LIPA: variants seen among roughly 807,000 people sequenced by gnomAD.
LIPA encodes the protein lysosomal acid lipase/cholesteryl ester hydrolase.
In LIPA, 26 loss-of-function variants were observed where a neutral mutation model predicts 40.6. The ratio of observed to expected loss-of-function variants is 0.64; its 90% CI spans 0.47 to 0.89. The LOEUF is 0.89. Among genes scored for constraint, LIPA ranks in the 40% least tolerant of loss-of-function variants. The pLI is 0.00. For synonymous variants in LIPA, 188 were observed against 168.4 expected, an observed-to-expected ratio of 1.12 and a Z score of -0.90; for missense variants, 455 against 479.6, an observed-to-expected ratio of 0.95 and a Z score of 0.48.
chr10:89,329,859 G>A lies in LIPA; in HGVS notation c.-2+12752C>T, dbSNP rs888001083. On this transcript the variant is annotated intron_variant, in intron 1 of 5. Transcript: ENST00000282673. Reference sequence around the variant, plus strand: ...ACCTGGGTGCAGGTGGGCTGAGTCCGAAAAGAAAGTCAGGGAAGGGAGATA... The same window carrying A: ...ACCTGGGTGCAGGTGGGCTGAGTCCAAAAAGAAAGTCAGGGAAGGGAGATA... Among the ~76,000 whole-genome samples, 12 of 152,074 alleles carry A rather than the reference G, an allele frequency of 7.9e-5. No homozygotes were observed. In the South Asian group the frequency reaches 8.3e-4, roughly 11 times the overall value.
At chr10:89,359,852 C>T (rs77875170) in intron 2 of LIPA, among the ~76,000 whole-genome samples, 2,656 of 149,106 alleles carry the variant, frequency 0.018, 36 homozygotes, top group African/African-American at 0.043. Context: ...CAAACACACA[C>T]ACACACAATG....
chr10:89,234,486 G>A lies in LIPA; in HGVS notation c.230-6088C>T, dbSNP rs369751065. The stretch of plus-strand genomic sequence containing the variant: ...GATCCTCAGCAAAGAAAATAGTATC[G>A]AATCCTCGGGTGAAAAACCTTTAAA... On this transcript the variant is annotated intron_variant, in intron 3 of 9. Coordinates refer to ENST00000336233, the MANE Select transcript of LIPA (RefSeq NM_000235.4). Among the ~76,000 whole-genome samples, 28 of 152,284 alleles carry A rather than the reference G, an allele frequency of 1.8e-4. No homozygotes were observed. The East Asian group carries it at 3.5e-3, about 19-fold the overall frequency.
chr10:89,292,079 C>G (rs1019195472), intron 1 of LIPA: 1 of 152,186 alleles, frequency 6.6e-6, no homozygotes, highest in Non-Finnish European at 1.5e-5. Context: ...GGAACACCAG[C>G]CTTGGACAGT....
At chr10:89,386,857 T>C (rs114019119) in intron 2 of LIPA, among the ~76,000 whole-genome samples, 96 of 152,288 alleles carry the variant, frequency 6.3e-4, no homozygotes, top group African/African-American at 2.2e-3. Flanking sequence ...TTAATTAATA[T>C]TGAAACCTTC....
At chr10:89,237,105 T>G (rs1319072391) in intron 3 of LIPA, among the ~76,000 whole-genome samples, 1 of 152,072 alleles carries the variant, frequency 6.6e-6, no homozygotes, top group Non-Finnish European at 1.5e-5. Context: ...GAGATCCCCA[T>G]CTCTATCAAA....
At position 89,266,381 on chromosome 10, in the gene LIPA, C is replaced by G. The variant is rs574706749; in HGVS notation, c.-1-18732G>C. Among the ~76,000 whole-genome samples the G allele has an allele frequency of 2.0e-3, 306 of 152,294 alleles. 2 individuals are homozygous for G. The highest frequency in any genetic ancestry group is 3.3e-3 in the Non-Finnish European group (226 of 68,024). Reference sequence around the variant, plus strand: ...GTGATGCCAAACAACCACAGACTATCCACATGTGTGGCTGAGATAGTGACA... The same window carrying G: ...GTGATGCCAAACAACCACAGACTATGCACATGTGTGGCTGAGATAGTGACA... On this transcript the variant is annotated intron_variant, in intron 1 of 5. Coordinates refer to the LIPA transcript ENST00000282673.
intron 1 of LIPA, among the ~76,000 whole-genome samples, chr10:89,331,738 A>T (rs1843653524): frequency 6.6e-6 from 1 of 151,524 alleles, no homozygotes; most frequent in Non-Finnish European, 1.5e-5. Flanking sequence ...ACGTGCCTAT[A>T]GTCTCATTGA....
chr10:89,278,787 C>T (rs368703254), intron 1 of LIPA, among the ~76,000 whole-genome samples: 2 of 151,416 alleles, frequency 1.3e-5, no homozygotes, highest in South Asian at 4.1e-4. Flanking sequence ...ATATTACTTA[C>T]ATATGTGTTA....
chr10:89,260,883 C>T (rs966103233), intron 1 of LIPA, among the ~76,000 whole-genome samples: 3 of 152,186 alleles, frequency 2.0e-5, no homozygotes, highest in African/African-American at 7.2e-5. Flanking sequence ...CCAGGACGCT[C>T]CAGGCTTTGA....
chr10:89,261,379 C>T (rs1422695614), intron 1 of LIPA, among the ~76,000 whole-genome samples: 2 of 152,172 alleles, frequency 1.3e-5, no homozygotes, highest in African/African-American at 4.8e-5. Flanking sequence ...ATGGCGGACG[C>T]CTGTAATCCC....
chr10:89,319,248 TTCAAAAAAA>T (rs1483769562), intron 1 of LIPA, among the ~76,000 whole-genome samples: 1 of 152,060 alleles, frequency 6.6e-6, no homozygotes, highest in Non-Finnish European at 1.5e-5. Flanking sequence ...CAAAAAACCC[TTCAAAAAAA>T]TCAATGAATC....
intron 2 of LIPA, among the ~76,000 whole-genome samples, chr10:89,400,163 A>G (rs2133625394): frequency 6.6e-6 from 1 of 152,194 alleles, no homozygotes; most frequent in East Asian, 1.9e-4. Context: ...TTGTTGTAAT[A>G]TTGTGATTAC....
At position 89,288,400 on chromosome 10, in the gene LIPA, C is replaced by T. The variant is rs569002428; in HGVS notation, c.-1-40751G>A. Among the ~76,000 whole-genome samples the T allele has an allele frequency of 6.6e-5, 10 of 152,262 alleles. No homozygotes were observed. The South Asian group carries it at 2.1e-3, about 32-fold the overall frequency. ...TTAAAAACAGCCCTAGAAGCTGCCC[C>T]CATGCTAGCTCTCCCTAACTCATCC... is the stretch of plus-strand genomic sequence containing the variant. On this transcript the variant is annotated intron_variant, in intron 1 of 5. Coordinates refer to the LIPA transcript ENST00000282673.
At position 89,292,332 on chromosome 10, in the gene LIPA, G is replaced by A. The variant is rs189024760; in HGVS notation, c.-1-44683C>T. On this transcript the variant is annotated intron_variant, in intron 1 of 5. Coordinates refer to the LIPA transcript ENST00000282673. ...CAGAGGCACTGATTTGTCTTCTTCT[G>A]GAGTAGCATCCCAGTTTCTCACTGT... 3.9e-5 allele frequency: 6 copies of A among 152,268 alleles called. No homozygotes were observed. In the East Asian group the frequency reaches 1.2e-3, roughly 29 times the overall value. 9.4% of individuals were successfully genotyped at this position (152,268 alleles called of 1,614,324 possible).
At chr10:89,288,545 C>T (rs540107731) in intron 1 of LIPA, among the ~76,000 whole-genome samples, 1 of 152,288 alleles carries the variant, frequency 6.6e-6, no homozygotes, top group African/African-American at 2.4e-5. Flanking sequence ...TTGTTTTAGG[C>T]TGGCCCCCAC....
At chr10:89,344,917 G>GTA (rs1843905565), upstream of LIPA, among the ~76,000 whole-genome samples, 1 of 152,120 alleles carries the variant, frequency 6.6e-6, no homozygotes, top group Non-Finnish European at 1.5e-5. Flanking sequence ...AATGTATTTA[G>GTA]TACACTTTGG....
chr10:89,311,111 C>T (rs966023644), intron 1 of LIPA, among the ~76,000 whole-genome samples: 2 of 152,170 alleles, frequency 1.3e-5, no homozygotes, highest in South Asian at 2.1e-4. Context: ...TTATGTTCTG[C>T]TTTTGATTCA....
At chr10:89,337,286 T>A (rs1245306129) in intron 1 of LIPA, among the ~76,000 whole-genome samples, 1 of 152,204 alleles carries the variant, frequency 6.6e-6, no homozygotes, top group East Asian at 1.9e-4. Context: ...ATCCATAATA[T>A]CTAATAAAGT....
rs1450108417 is a variant in LIPA, at chr10:89,361,864, C to T, written c.61+50927G>A. Among the ~76,000 whole-genome samples, 9 of 149,044 alleles carry T rather than the reference C, an allele frequency of 6.0e-5. No individual in the cohort carries two copies. In the Admixed American group the frequency reaches 6.1e-4, roughly 10 times the overall value. On this transcript the variant is annotated intron_variant, in intron 2 of 8. Transcript: ENST00000371837. The stretch of plus-strand genomic sequence containing the variant: ...GGGGAAAAAAAAATCCACCCCCCAC[C>T]CTCCACCTGCCTTTTTTTTTTTTTT...
Sources: gnomAD v4.1 joint callset for allele counts (sites outside exome capture counted in the v4.1 genomes callset) on GRCh38, gnomAD v4.1.1 for gene constraint, MANE v1.5 for transcripts, NCBI Gene and HGNC (gene_info 2026-07-23, HGNC 2026-07-21) for gene names.